Variants in TICAM2 observed in about 807,000 individuals in gnomAD.
The protein encoded by TICAM2 is TIR domain containing adaptor molecule 2, also known as TIR domain-containing adapter molecule 2.
Under a neutral mutation model 7.3 loss-of-function variants are expected in TICAM2, and 8 were observed. The ratio of observed to expected loss-of-function variants is 1.10; its 90% CI spans 0.65 to 1.99. The LOEUF is 1.99. Ranked by LOEUF, TICAM2 falls within the 30% of genes most tolerant of loss-of-function variation. TICAM2 has a pLI of 0.00. For synonymous variants in TICAM2, 113 were observed against 99.6 expected, an observed-to-expected ratio of 1.13 and a Z score of -0.80; for missense variants, 304 against 278.8, an observed-to-expected ratio of 1.09 and a Z score of -0.65.
chr5:115,600,294 G>T (rs1467081436), intron 1 of TICAM2, among the ~76,000 whole-genome samples: 1 of 152,210 alleles, frequency 6.6e-6, no homozygotes, highest in Non-Finnish European at 1.5e-5. Context: ...TCCAAGTGGA[G>T]ATGCTGAGTA....
intron 1 of TICAM2, among the ~76,000 whole-genome samples, chr5:115,593,940 T>G (rs934486629): frequency 6.6e-6 from 1 of 152,228 alleles, no homozygotes; most frequent in Non-Finnish European, 1.5e-5. Flanking sequence ...GAAAAATGAT[T>G]GTAGACCAGA....
At chr5:115,600,183 T>C (rs1755668665) in intron 1 of TICAM2, among the ~76,000 whole-genome samples, 2 of 152,090 alleles carry the variant, frequency 1.3e-5, no homozygotes, top group South Asian at 4.2e-4. Flanking sequence ...GGCTGTTTAT[T>C]GAGATAAGGG....
At chr5:115,598,181 T>G (rs1755584668) in intron 1 of TICAM2, among the ~76,000 whole-genome samples, 1 of 152,322 alleles carries the variant, frequency 6.6e-6, no homozygotes, top group South Asian at 2.1e-4. Flanking sequence ...ATTATGTCAA[T>G]TATGTTGATT....
chr5:115,596,852 G>T lies in TICAM2; in HGVS notation c.-60+5245C>A, dbSNP rs181090713. 4.5e-4 allele frequency among the ~76,000 whole-genome samples: 69 copies of T among 152,294 alleles called. 2 individuals carry two copies. The East Asian group carries it at 0.011, about 25-fold the overall frequency. On this transcript the variant is annotated intron_variant, in intron 1 of 1. Transcript: ENST00000427199. ...GAGAATGGCGTGAACCTAGGAGGTG[G>T]AGCTTGCAGTGAGCCGAGATCACGC...
chr5:115,583,332 G>T (rs778126296), intron 1 of TICAM2, among the ~76,000 whole-genome samples: 60 of 152,178 alleles, frequency 3.9e-4, no homozygotes, highest in Admixed American at 6.5e-4. Flanking sequence ...GAATATAACA[G>T]CTATTTATAA....
intron 1 of TICAM2, chr5:115,581,950 A>G (rs1754940426): frequency 6.6e-6 from 1 of 152,196 alleles, no homozygotes; most frequent in Admixed American, 6.5e-5. Flanking sequence ...TTATAATAAG[A>G]GTGTGTGAAA....
At chr5:115,592,135 TAG>T (rs1286761231) in intron 1 of TICAM2, among the ~76,000 whole-genome samples, 1 of 152,192 alleles carries the variant, frequency 6.6e-6, no homozygotes, top group African/African-American at 2.4e-5. Flanking sequence ...GCTGCTAATC[TAG>T]AGTCATATAC....
chr5:115,581,863 G>A (rs1754936651), intron 1 of TICAM2: 2 of 153,090 alleles, frequency 1.3e-5, no homozygotes, highest in Admixed American at 1.3e-4. Flanking sequence ...TGATGTCCAG[G>A]ATTTACTGGT....
intron 1 of TICAM2, among the ~76,000 whole-genome samples, chr5:115,592,382 T>C (rs1755340937): frequency 6.6e-6 from 1 of 152,186 alleles, no homozygotes; most frequent in South Asian, 2.1e-4. Context: ...AGAGGTACAT[T>C]TACAGGATGT....
At chr5:115,597,801 C>T (rs560492560) in intron 1 of TICAM2, among the ~76,000 whole-genome samples, 13 of 152,224 alleles carry the variant, frequency 8.5e-5, no homozygotes, top group African/African-American at 3.1e-4. Flanking sequence ...GTCAGCCCTC[C>T]GTATGTGTGG....
At chr5:115,584,899 A>G (rs921982839) in intron 1 of TICAM2, among the ~76,000 whole-genome samples, 2 of 152,226 alleles carry the variant, frequency 1.3e-5, no homozygotes, top group Admixed American at 1.3e-4. Flanking sequence ...TATATTAAAC[A>G]GAAGAGGAAT....
In TICAM2 at chr5:115,599,250, T is replaced by C. The variant is rs542527402; in HGVS notation, c.-60+2847A>G. Among the ~76,000 whole-genome samples, 4 of 152,212 alleles carry C rather than the reference T, an allele frequency of 2.6e-5. No individual in the cohort carries two copies. In the East Asian group the frequency reaches 7.7e-4, roughly 29 times the overall value. On this transcript the variant is annotated intron_variant, in intron 1 of 1. Coordinates refer to ENST00000427199, the MANE Select transcript of TICAM2 (RefSeq NM_021649.7). ...CAAAGAGTCTCCAAATGTTAGATTATTGCTTCCTATTTCCTATTGCCCCTA... is the reference window on the plus strand; with the variant it reads ...CAAAGAGTCTCCAAATGTTAGATTACTGCTTCCTATTTCCTATTGCCCCTA...
At chr5:115,586,186 C>T (rs1429896009) in intron 1 of TICAM2, among the ~76,000 whole-genome samples, 6 of 152,074 alleles carry the variant, frequency 3.9e-5, no homozygotes, top group African/African-American at 9.7e-5. Flanking sequence ...AGGCTGAGCC[C>T]TATGGCACTC....
chr5:115,588,398 C>T (rs976572689), intron 1 of TICAM2, among the ~76,000 whole-genome samples: 1 of 152,130 alleles, frequency 6.6e-6, no homozygotes, highest in African/African-American at 2.4e-5. Context: ...ACCTATGGGA[C>T]TTCACGTTGT....
Position 115,583,427 on chromosome 5 carries a change from C to G in TICAM2, c.-59-2112G>C, listed in dbSNP as rs559299533. 2.6e-5 allele frequency among the ~76,000 whole-genome samples: 4 copies of G among 152,268 alleles called. No homozygotes were observed. In the South Asian group the frequency reaches 8.3e-4, roughly 32 times the overall value. On this transcript the variant is annotated intron_variant, in intron 1 of 1. Transcript: ENST00000427199. ...AAATAAAAACAAAGAATTACAACTT[C>G]GACTTATTTTTCTTAAATACCAGTT...
chr5:115,585,235 C>T (rs1561574303), intron 1 of TICAM2, among the ~76,000 whole-genome samples: 2 of 152,198 alleles, frequency 1.3e-5, no homozygotes, highest in Non-Finnish European at 2.9e-5. Context: ...TAAACATTAG[C>T]AGCTATTATT....
Position 115,580,380 on chromosome 5 carries a change from C to A in TICAM2, c.*169G>T. On this transcript the variant is annotated 3_prime_UTR_variant, in exon 2 of 2. Transcript: ENST00000427199. The stretch of plus-strand genomic sequence containing the variant: ...AGTTTACTGAAACATCAAAAAGTAC[C>A]ACAATTTTATAGGCTGTCCTGCAGA... The A allele has an allele frequency of 2.3e-6, 2 of 883,170 alleles. No individual in the cohort carries two copies. The highest frequency in any genetic ancestry group is 3.8e-5 in the South Asian group (1 of 26,160). 54.7% of individuals were successfully genotyped at this position (883,170 alleles called of 1,614,324 possible). A position where few individuals can be genotyped will look rare whatever the true frequency, so the allele number is the denominator to read the frequency against.
At chr5:115,591,164 C>T (rs1755287346) in intron 1 of TICAM2, among the ~76,000 whole-genome samples, 1 of 152,184 alleles carries the variant, frequency 6.6e-6, no homozygotes, top group Admixed American at 6.5e-5. Flanking sequence ...AGACGACTCT[C>T]CCCCTAGAGT....
chr5:115,586,611 G>A (rs770043667), intron 1 of TICAM2, among the ~76,000 whole-genome samples: 1 of 152,124 alleles, frequency 6.6e-6, no homozygotes. Context: ...TAGGGTGACC[G>A]ATGAATGTAG....
Sources: allele counts gnomAD v4.1 joint callset (sites outside exome capture counted in the v4.1 genomes callset), GRCh38; gene constraint gnomAD v4.1.1; transcripts MANE v1.5; gene names NCBI Gene and HGNC (gene_info 2026-07-23, HGNC 2026-07-21).